The following ERICH6B variants were observed in gnomAD, a reference collection of about 807,000 sequenced individuals.
ERICH6B encodes glutamate-rich protein 6B.
Under a neutral mutation model 80.0 loss-of-function variants are expected in ERICH6B, and 69 were observed. The observed-to-expected ratio is 0.86, with a 90% CI of 0.71 to 1.05. The LOEUF is 1.05. Ranked by LOEUF, ERICH6B falls within the 50% of genes least tolerant of loss-of-function variation. The pLI, the probability that ERICH6B is intolerant of heterozygous loss-of-function variation, is 0.00. For missense variants in ERICH6B, 754 were observed against 796.1 expected, an observed-to-expected ratio of 0.95 and a Z score of 0.64; for synonymous variants, 283 against 291.9, an observed-to-expected ratio of 0.97 and a Z score of 0.31.
intron 10 of ERICH6B, among the ~76,000 whole-genome samples, chr13:45,563,099 G>A (rs918160841): frequency 2.0e-5 from 3 of 152,156 alleles, no homozygotes; most frequent in Non-Finnish European, 4.4e-5. Context: ...GATCCATGAA[G>A]CTGGTAACTT....
chr13:45,590,812 T>A, intron 3 of ERICH6B, 115 bp from the exon 4 acceptor site: 1 of 836,314 alleles, frequency 1.2e-6, no homozygotes, highest in Non-Finnish European at 1.8e-6. Flanking sequence ...TTTCTATTTT[T>A]ACTTTTCTTT....
chr13:45,597,309 A>G lies in ERICH6B; in HGVS notation c.-58-246T>C, dbSNP rs566089388. ...GAAATTATTGCACAATATGAAGTCAATGGGGAGGGCTGGAAAGCAATCATT... is the reference window on the plus strand; with the variant it reads ...GAAATTATTGCACAATATGAAGTCAGTGGGGAGGGCTGGAAAGCAATCATT... On this transcript the variant is annotated intron_variant, in intron 2 of 14. Coordinates refer to ENST00000298738, the MANE Select transcript of ERICH6B (RefSeq NM_182542.3). 3.3e-4 allele frequency among the ~76,000 whole-genome samples: 50 copies of G among 152,348 alleles called. No individual in the cohort carries two copies. In the South Asian group the frequency reaches 5.4e-3, roughly 16 times the overall value.
At chr13:45,580,198 G>T (rs1222486946) in intron 6 of ERICH6B, among the ~76,000 whole-genome samples, 1 of 152,066 alleles carries the variant, frequency 6.6e-6, no homozygotes, top group Non-Finnish European at 1.5e-5. Flanking sequence ...TATTCTTATT[G>T]TATCTTGCCC....
intron 2 of ERICH6B, among the ~76,000 whole-genome samples, chr13:45,598,154 C>T (rs1304722047): frequency 6.6e-6 from 1 of 152,168 alleles, no homozygotes; most frequent in African/African-American, 2.4e-5. Flanking sequence ...CTCTCTCCTA[C>T]AGCACTTATC....
chr13:45,579,553 C>T (rs1875567606), intron 7 of ERICH6B, among the ~76,000 whole-genome samples: 1 of 152,148 alleles, frequency 6.6e-6, no homozygotes, highest in Admixed American at 6.5e-5. Flanking sequence ...GTAGGGGCTC[C>T]ACTTTATCCA....
At chr13:45,609,309 A>T (rs895221610) in intron 1 of ERICH6B, among the ~76,000 whole-genome samples, 2 of 152,064 alleles carry the variant, frequency 1.3e-5, no homozygotes, top group African/African-American at 4.8e-5. Flanking sequence ...TTCTCACCTC[A>T]GGATGCTTCC....
intron 10 of ERICH6B, among the ~76,000 whole-genome samples, chr13:45,561,834 G>A (rs1429935616): frequency 6.6e-6 from 1 of 152,210 alleles, no homozygotes; most frequent in Non-Finnish European, 1.5e-5. Flanking sequence ...CTGTACAGAT[G>A]TGTGGGTATG....
chr13:45,576,859 G>T (rs1241729990), intron 7 of ERICH6B, among the ~76,000 whole-genome samples: 2 of 152,150 alleles, frequency 1.3e-5, no homozygotes, highest in African/African-American at 4.8e-5. Context: ...TATTAACGTG[G>T]CTGGGCACTG....
At chr13:45,573,615 A>G (rs1875263853) in intron 8 of ERICH6B, among the ~76,000 whole-genome samples, 1 of 152,244 alleles carries the variant, frequency 6.6e-6, no homozygotes, top group Non-Finnish European at 1.5e-5. Context: ...ATCCTTTAGT[A>G]GCAAAGTCCT....
chr13:45,558,076 GT>G (rs1315407232), intron 11 of ERICH6B, among the ~76,000 whole-genome samples: 67 of 152,086 alleles, frequency 4.4e-4, no homozygotes, highest in African/African-American at 1.6e-3. Context: ...CATGGGATGT[GT>G]TTCCATTTGT....
chr13:45,614,495 ATTTCTG>A (rs1949916840), intron 1 of ERICH6B, among the ~76,000 whole-genome samples: 1 of 152,178 alleles, frequency 6.6e-6, no homozygotes, highest in African/African-American at 2.4e-5. Flanking sequence ...CACAAATGAA[ATTTCTG>A]GTTTGGACTT....
chr13:45,587,266 A>T (rs1425717186), intron 4 of ERICH6B, 34 bp from the exon 5 acceptor site: 7 of 1,547,166 alleles, frequency 4.5e-6, no homozygotes, highest in Non-Finnish European at 6.1e-6. Context: ...GTCAACTTCC[A>T]GACAGGGGCC....
At chr13:45,553,611 A>T (rs1391892990) in intron 11 of ERICH6B, among the ~76,000 whole-genome samples, 1 of 152,132 alleles carries the variant, frequency 6.6e-6, no homozygotes, top group African/African-American at 2.4e-5. Flanking sequence ...TACTGACCTT[A>T]CAAAATATGC....
In ERICH6B at chr13:45,596,657, C is replaced by A. The variant is rs1382856691; in HGVS notation, c.349G>T (p.Gly117Trp). 5.8e-6 allele frequency: 9 copies of A among 1,551,672 alleles called. No individual in the cohort carries two copies. The highest frequency in any genetic ancestry group is 7.0e-6 in the Non-Finnish European group (8 of 1,146,778). Residue 117 changes from glycine to tryptophan, a missense_variant, in exon 3 of 15, where the codon GGG becomes TGG. Physicochemically the swap from Gly to Trp is radical, Grantham distance 184. Transcript: ENST00000298738. The stretch of plus-strand genomic sequence containing the variant: ...TCCTCCTCCAGATACCCTTCCTTCC[C>A]CAGATACTCTTCCTCTTCAATATAC... ...EEYIEEEEYLGKEGYLEEEEY... is the reference protein window; with the variant it reads ...EEYIEEEEYLWKEGYLEEEEY...
At chr13:45,582,148 A>G (rs1169022517) in intron 5 of ERICH6B, among the ~76,000 whole-genome samples, 1 of 152,318 alleles carries the variant, frequency 6.6e-6, no homozygotes, top group East Asian at 1.9e-4. Context: ...CGTAGTCTCC[A>G]GGTTACTGTC....
chr13:45,569,493 A>G (rs529595709), intron 8 of ERICH6B, among the ~76,000 whole-genome samples: 2 of 152,234 alleles, frequency 1.3e-5, no homozygotes, highest in East Asian at 3.9e-4. Context: ...ACCAGGATTG[A>G]CCCATAGGTG....
chr13:45,570,334 A>C lies in ERICH6B; in HGVS notation c.1051-1883T>G, dbSNP rs929056241. Among the ~76,000 whole-genome samples, 6 of 152,220 alleles carry C rather than the reference A, an allele frequency of 3.9e-5. No homozygotes were observed. In the East Asian group the frequency reaches 5.8e-4, roughly 15 times the overall value. On this transcript the variant is annotated intron_variant, in intron 8 of 14. Transcript: ENST00000298738. ...AAATGAAGGCTGGGCATGGTGGCTC[A>C]CACCTGTAATCCCAGCAATTTGGGA... is the stretch of plus-strand genomic sequence containing the variant.
chr13:45,556,464 C>G (rs1454044617), intron 11 of ERICH6B, among the ~76,000 whole-genome samples: 1 of 152,094 alleles, frequency 6.6e-6, no homozygotes, highest in Non-Finnish European at 1.5e-5. Context: ...GTAAGCTCTT[C>G]AGTGGTTATT....
chr13:45,606,253 A>G (rs562985350), intron 2 of ERICH6B, among the ~76,000 whole-genome samples: 141 of 152,236 alleles, frequency 9.3e-4, no homozygotes, highest in Non-Finnish European at 1.6e-3. Flanking sequence ...AACCTCTCTT[A>G]AATAGTCACA....
Sources: allele counts gnomAD v4.1 joint callset (sites outside exome capture counted in the v4.1 genomes callset), GRCh38; gene constraint gnomAD v4.1.1; transcripts MANE v1.5; gene names NCBI Gene and HGNC (gene_info 2026-07-23, HGNC 2026-07-21).